Variants in PFKP observed in about 807,000 individuals in gnomAD.
PFKP encodes the protein phosphofructokinase, platelet.
PFKP carries 101 observed loss-of-function variants against 94.3 expected under a neutral mutation model. The ratio of observed to expected loss-of-function variants is 1.07; its 90% confidence interval spans 0.91 to 1.26. PFKP has a LOEUF of 1.26. Among genes scored for constraint, PFKP ranks in the 50% most tolerant of loss-of-function variants. The pLI is 0.00. For synonymous variants in PFKP, 573 were observed against 432.6 expected, an observed-to-expected ratio of 1.32 and a Z score of -4.03; for missense variants, 1,145 against 1,103.3, an observed-to-expected ratio of 1.04 and a Z score of -0.53.
intron 2 of PFKP, among the ~76,000 whole-genome samples, chr10:3,094,512 G>A (rs1437928916): frequency 1.3e-5 from 2 of 152,178 alleles, no homozygotes; most frequent in Non-Finnish European, 2.9e-5. Context: ...TGATTGGTAG[G>A]GTCTCTGGAC....
chr10:3,101,069 TG>T, intron 3 of PFKP: 4 of 1,241,952 alleles, frequency 3.2e-6, no homozygotes, highest in Non-Finnish European at 4.7e-6. Flanking sequence ...AGGCGGCTGC[TG>T]TGACACCGCA....
At chr10:3,119,805 T>C in intron 15 of PFKP, 87 bp from the exon 16 acceptor site, 1 of 1,209,372 alleles carries the variant, frequency 8.3e-7, no homozygotes, top group Middle Eastern at 2.6e-4. Context: ...CGTGCTGTGG[T>C]GGAGGTGGCG....
chr10:3,100,882 A>G (rs1288136867), intron 3 of PFKP: 3 of 1,125,614 alleles, frequency 2.7e-6, no homozygotes, highest in Non-Finnish European at 3.9e-6. Context: ...AAAAAAAAAA[A>G]TCCCCCTGGC....
rs116420036 is a variant in PFKP, at chr10:3,080,718, A to G, written c.113-1670A>G. On this transcript the variant is annotated intron_variant, in intron 1 of 21. Transcript: ENST00000381125. ...TTTGTTTTTTTTCTAAACAAGAAGA[A>G]TATATTCATAAATTATTTGCATAAA... Among the ~76,000 whole-genome samples the G allele has an allele frequency of 4.9e-3, 735 of 151,404 alleles. 8 individuals are homozygous for G. The highest frequency in any genetic ancestry group is 0.018 in the African/African-American group (717 of 40,756).
chr10:3,108,701 C>A lies in PFKP; in HGVS notation c.871C>A (p.Leu291Ile). 2 of 1,612,702 alleles carry A rather than the reference C, an allele frequency of 1.2e-6. No individual in the cohort carries two copies. Among genetic ancestry groups the A allele is most frequent in the Non-Finnish European group, 1.7e-6 (2 of 1,178,730 alleles). ...KPITSEKIKELVVTQLGYDTR... is the reference protein window; with the variant it reads ...KPITSEKIKEIVVTQLGYDTR... ...ATCCTAACGAGATGTTTCCTTGCAG[C>A]TTGTCGTCACGCAGCTGGGCTATGA... Residue 291 changes from leucine to isoleucine, a missense_variant and splice_region_variant, in exon 9 of 22, where the codon CTT becomes ATT. Leu to Ile is a conservative substitution (Grantham distance 5). Around this residue, in one of 3 missense-constraint regions of PFKP, gnomAD observed 1,119 missense variants for 1,062.8 expected, o/e 1.05. Transcript: ENST00000381125.
chr10:3,077,023 G>A (rs988571379), intron 1 of PFKP, among the ~76,000 whole-genome samples: 9 of 152,130 alleles, frequency 5.9e-5, no homozygotes, highest in African/African-American at 1.9e-4. Flanking sequence ...CGCGGTGTAA[G>A]CTCATTTTCT....
Position 3,113,524 on chromosome 10 carries a change from T to TCA in PFKP, c.1371+8_1371+9dup, listed in dbSNP as rs776090152. On this transcript the variant is annotated splice_region_variant and intron_variant, in intron 13 of 21. Coordinates refer to ENST00000381125, the MANE Select transcript of PFKP (RefSeq NM_002627.5). ...ACGGCTTCGCCAAGGGCCAGGTGAGTCACCCAGGATGCCGTAGGCAGGCAG... is the reference window on the plus strand; with the variant it reads ...ACGGCTTCGCCAAGGGCCAGGTGAGTCACACCCAGGATGCCGTAGGCAGGCAG... The TCA allele has an allele frequency of 1.7e-5, 28 of 1,611,062 alleles. No individual in the cohort carries two copies. In the South Asian group the frequency reaches 3.0e-4, roughly 17 times the overall value.
intron 8 of PFKP, among the ~76,000 whole-genome samples, chr10:3,107,581 G>T (rs996255227): frequency 6.6e-6 from 1 of 152,236 alleles, no homozygotes; most frequent in Admixed American, 6.5e-5. Flanking sequence ...GTGGCCACGC[G>T]TGTTCTTTGG....
At chr10:3,093,499 G>A (rs116564350) in intron 2 of PFKP, among the ~76,000 whole-genome samples, 66 of 152,252 alleles carry the variant, frequency 4.3e-4, no homozygotes, top group African/African-American at 1.3e-3. Flanking sequence ...ACACGCGTGC[G>A]TGCTCACCGA....
intron 21 of PFKP, 100 bp downstream of exon 21, chr10:3,135,938 G>GCTGTCGGCAACTCATTC: frequency 1.3e-6 from 1 of 741,870 alleles, no homozygotes; most frequent in South Asian, 1.6e-5. Context: ...TCAGGGGTTT[G>GCTGTCGGCAACTCATTC]AGGAACTGGC....
At chr10:3,081,073 A>G (rs550704369) in intron 1 of PFKP, among the ~76,000 whole-genome samples, 1 of 152,350 alleles carries the variant, frequency 6.6e-6, no homozygotes, top group Admixed American at 6.5e-5. Flanking sequence ...AATATAAAGT[A>G]AATAAGACTA....
At chr10:3,129,359 T>C (rs1174829195) in intron 16 of PFKP, 1 of 154,316 alleles carries the variant, frequency 6.5e-6, no homozygotes, top group African/African-American at 2.4e-5. Flanking sequence ...AGGGAGCTTT[T>C]CAGAAGAAAA....
At chr10:3,110,208 T>TAA (rs1836039202) in intron 10 of PFKP, among the ~76,000 whole-genome samples, 1 of 151,872 alleles carries the variant, frequency 6.6e-6, no homozygotes, top group Non-Finnish European at 1.5e-5. Context: ...ATTAATTAAT[T>TAA]TATTTATTTA....
Position 3,120,042 on chromosome 10 carries a change from G to A in PFKP, c.1681G>A (p.Asp561Asn), listed in dbSNP as rs200145182. The A allele has an allele frequency of 4.2e-5, 68 of 1,613,906 alleles. No homozygotes were observed. The highest frequency in any genetic ancestry group is 5.3e-5 in the Non-Finnish European group (62 of 1,179,986). ...GADTALNTIT[D>N]TCDRIKQSAS... ...AGACACCGCCCTGAACACTATCACC[G>A]ACGTAAGTCCGTGTGCGCCCTGCCA... Residue 561 changes from aspartate to asparagine, a missense_variant and splice_region_variant, in exon 16 of 22, where the codon GAC (aspartate) becomes AAC (asparagine). Physicochemically the swap from Asp to Asn is conservative, Grantham distance 23 (BLOSUM62 1). Coordinates refer to ENST00000381125, the MANE Select transcript of PFKP (RefSeq NM_002627.5).
At chr10:3,128,014 C>A (rs1296850400) in intron 16 of PFKP, among the ~76,000 whole-genome samples, 1 of 141,768 alleles carries the variant, frequency 7.1e-6, no homozygotes, top group Non-Finnish European at 1.6e-5. Flanking sequence ...AGTCTCAAGT[C>A]CACACCCCCA....
chr10:3,109,621 G>A (rs1028063081), intron 10 of PFKP, 141 bp downstream of exon 10: 60 of 1,014,424 alleles, frequency 5.9e-5, no homozygotes, highest in South Asian at 1.8e-4. Context: ...TGAGCTGCCC[G>A]TGGGGAGGGA....
In PFKP at chr10:3,082,358, C is replaced by T. The variant is rs1289509612; in HGVS notation, c.113-30C>T. On this transcript the variant is annotated intron_variant, in intron 1 of 21. Coordinates refer to ENST00000381125, the MANE Select transcript of PFKP (RefSeq NM_002627.5). Reference sequence around the variant, plus strand: ...AGAGCCAGAATTACCCCGGGCTCTTCAGTGACTCTTGCTCCTGTTTCCACT... The same window carrying T: ...AGAGCCAGAATTACCCCGGGCTCTTTAGTGACTCTTGCTCCTGTTTCCACT... 1.9e-6 allele frequency: 3 copies of T among 1,572,320 alleles called. No individual in the cohort carries two copies. The East Asian group carries it at 6.8e-5, about 36-fold the overall frequency.
intron 2 of PFKP, among the ~76,000 whole-genome samples, chr10:3,092,942 G>A (rs751792136): frequency 2.0e-5 from 3 of 148,112 alleles, no homozygotes; most frequent in Non-Finnish European, 3.0e-5. Context: ...GGGTGGCCAC[G>A]GAAGCCTGAG....
chr10:3,126,140 CG>C (rs1411124890), intron 16 of PFKP, among the ~76,000 whole-genome samples: 1 of 152,228 alleles, frequency 6.6e-6, no homozygotes, highest in Non-Finnish European at 1.5e-5. Flanking sequence ...CACAGAACCT[CG>C]GAAGACAGCA....
Sources: gnomAD v4.1 joint callset for allele counts (sites outside exome capture counted in the v4.1 genomes callset) on GRCh38, gnomAD v4.1.1 for gene constraint, gnomAD v4.1.1 regional missense constraint, MANE v1.5 for transcripts, NCBI Gene and HGNC (gene_info 2026-07-23, HGNC 2026-07-21) for gene names.